Variants in AUTS2 observed in about 807,000 individuals in gnomAD.
AUTS2 encodes the protein activator of transcription and developmental regulator AUTS2, also known as autism susceptibility gene 2 protein.
AUTS2 carries 17 observed loss-of-function variants against 112.4 expected under a neutral mutation model. That is an observed-to-expected ratio of 0.15 (90% CI 0.10 to 0.23). AUTS2 has a LOEUF of 0.23. Ranked by LOEUF, AUTS2 falls within the 10% of genes least tolerant of loss-of-function variation. AUTS2 has a pLI of 1.00. For synonymous variants in AUTS2, 751 were observed against 702.7 expected, an observed-to-expected ratio of 1.07 and a Z score of -1.09; for missense variants, 1,510 against 1,701.6, an observed-to-expected ratio of 0.89 and a Z score of 1.98.
chr7:69,996,899 C>A (rs1798967029), intron 2 of AUTS2, among the ~76,000 whole-genome samples: 1 of 144,794 alleles, frequency 6.9e-6, no homozygotes, highest in African/African-American at 2.6e-5. Context: ...GAATCTCAAT[C>A]TTGGGTTTTC....
intron 4 of AUTS2, among the ~76,000 whole-genome samples, chr7:70,325,838 C>T (rs1276917918): frequency 6.6e-6 from 1 of 152,180 alleles, no homozygotes; most frequent in Non-Finnish European, 1.5e-5. Flanking sequence ...GGGGATGAAT[C>T]CAGTCCGGTG....
chr7:70,461,218 AT>A (rs68151633), intron 5 of AUTS2, among the ~76,000 whole-genome samples: 37,482 of 151,930 alleles, frequency 0.25, 4,995 homozygotes, highest in African/African-American at 0.35. Flanking sequence ...GGAACTCTTT[AT>A]TTTTCAAGTG....
At chr7:70,291,430 A>G (rs980637500) in intron 4 of AUTS2, 2 of 152,238 alleles carry the variant, frequency 1.3e-5, no homozygotes, top group African/African-American at 4.8e-5. Context: ...GAGGTTCCTG[A>G]TAGCCCAGAC....
intron 1 of AUTS2, among the ~76,000 whole-genome samples, chr7:69,646,294 TTAAA>T (rs1295551850): frequency 1.3e-5 from 2 of 152,194 alleles, no homozygotes; most frequent in Admixed American, 1.3e-4. Flanking sequence ...TCTTGTGTCT[TTAAA>T]TAATGTATTA....
intron 4 of AUTS2, among the ~76,000 whole-genome samples, chr7:70,358,766 C>T (rs1792124142): frequency 6.6e-6 from 1 of 152,244 alleles, no homozygotes; most frequent in South Asian, 2.1e-4. Flanking sequence ...TATGCATGGT[C>T]TCAAGGCAGG....
intron 4 of AUTS2, among the ~76,000 whole-genome samples, chr7:70,342,241 A>G (rs1323381443): frequency 1.3e-5 from 2 of 151,896 alleles, no homozygotes; most frequent in Admixed American, 1.3e-4. Context: ...AAGTAAGCCA[A>G]CTCTGGGCAT....
chr7:70,183,609 A>C (rs1584847687), intron 4 of AUTS2, among the ~76,000 whole-genome samples: 1 of 152,130 alleles, frequency 6.6e-6, no homozygotes, highest in East Asian at 1.9e-4. Flanking sequence ...GCAGACGCTA[A>C]CCACGGGGAG....
intron 5 of AUTS2, among the ~76,000 whole-genome samples, chr7:70,486,968 A>G (rs76816760): frequency 0.035 from 5,113 of 144,192 alleles, 285 homozygotes; most frequent in African/African-American, 0.12. Context: ...GAGCTTTTCT[A>G]GGCCCCACAG....
At chr7:70,229,440 T>G (rs1259301512) in intron 4 of AUTS2, among the ~76,000 whole-genome samples, 4 of 152,138 alleles carry the variant, frequency 2.6e-5, no homozygotes, top group Admixed American at 2.0e-4. Context: ...CTGTTCATCT[T>G]ATTTTGGGTG....
chr7:70,572,870 C>T (rs1274884986), intron 5 of AUTS2, among the ~76,000 whole-genome samples: 4 of 152,092 alleles, frequency 2.6e-5, no homozygotes, highest in Non-Finnish European at 4.4e-5. Context: ...CCTTTTTGTT[C>T]AGTGCTTCTA....
intron 4 of AUTS2, among the ~76,000 whole-genome samples, chr7:70,420,385 CT>C (rs1477917141): frequency 6.6e-6 from 1 of 152,118 alleles, no homozygotes; most frequent in Admixed American, 6.5e-5. Flanking sequence ...AAATCTGTTG[CT>C]TGTGTTCTCC....
chr7:70,534,714 C>CTG (rs1392293549), intron 5 of AUTS2, among the ~76,000 whole-genome samples: 1 of 152,174 alleles, frequency 6.6e-6, no homozygotes, highest in African/African-American at 2.4e-5. Flanking sequence ...GCGTGAGCCA[C>CTG]TGTGCCCAGC....
chr7:70,313,890 A>T (rs181795564), intron 4 of AUTS2, among the ~76,000 whole-genome samples: 1 of 152,350 alleles, frequency 6.6e-6, no homozygotes, highest in East Asian at 1.9e-4. Context: ...TCAGTTACCC[A>T]GCAGAGGGGT....
At chr7:70,256,573 C>A (rs549880162) in intron 4 of AUTS2, among the ~76,000 whole-genome samples, 3 of 152,200 alleles carry the variant, frequency 2.0e-5, no homozygotes, top group Non-Finnish European at 4.4e-5. Flanking sequence ...TCTGTCAGGG[C>A]TGCCCCAGAG....
chr7:70,415,568 G>A (rs752797455), intron 4 of AUTS2, among the ~76,000 whole-genome samples: 13 of 152,106 alleles, frequency 8.5e-5, no homozygotes, highest in Non-Finnish European at 1.3e-4. Flanking sequence ...AAAGTGTCCT[G>A]GTACATCGTT....
intron 4 of AUTS2, among the ~76,000 whole-genome samples, chr7:70,303,389 A>C (rs1020020550): frequency 6.0e-5 from 9 of 151,056 alleles, no homozygotes; most frequent in African/African-American, 2.0e-4. Flanking sequence ...GATTTGCAGA[A>C]ATACACATGC....
At chr7:70,014,168 T>G (rs889707085) in intron 2 of AUTS2, among the ~76,000 whole-genome samples, 1 of 152,206 alleles carries the variant, frequency 6.6e-6, no homozygotes, top group African/African-American at 2.4e-5. Flanking sequence ...TAAAATATTA[T>G]GAGGCTCTAG....
intron 1 of AUTS2, among the ~76,000 whole-genome samples, chr7:69,644,515 C>A (rs996866835): frequency 2.7e-5 from 4 of 148,746 alleles, no homozygotes. Flanking sequence ...AAAAAAAAAA[C>A]TTTTAAAGTT....
At chr7:70,700,530 G>A (rs948701469) in intron 6 of AUTS2, among the ~76,000 whole-genome samples, 3 of 152,110 alleles carry the variant, frequency 2.0e-5, no homozygotes, top group South Asian at 2.1e-4. Context: ...GAATCAGTGC[G>A]AATCCAGGTG....
Sources: allele counts gnomAD v4.1 joint callset (sites outside exome capture counted in the v4.1 genomes callset), GRCh38; gene constraint gnomAD v4.1.1; transcripts MANE v1.5; gene names NCBI Gene and HGNC (gene_info 2026-07-23, HGNC 2026-07-21).